The following MAML3 variants were observed in gnomAD, a reference collection of about 807,000 sequenced individuals.
The protein encoded by MAML3 is mastermind like transcriptional coactivator 3, also known as mastermind-like protein 3.
In MAML3, 27 loss-of-function variants were observed where a neutral mutation model predicts 101.9. The ratio of observed to expected loss-of-function variants is 0.27; its 90% CI spans 0.20 to 0.37. MAML3 has a LOEUF of 0.37. Ranked by LOEUF, MAML3 falls within the 10% of genes least tolerant of loss-of-function variation. MAML3 has a pLI of 1.00. For synonymous variants in MAML3, 501 were observed against 555.9 expected, an observed-to-expected ratio of 0.90 and a Z score of 1.39; for missense variants, 1,316 against 1,444.9, an observed-to-expected ratio of 0.91 and a Z score of 1.45.
chr4:139,955,929 T>C (rs1733908161), intron 1 of MAML3, among the ~76,000 whole-genome samples: 1 of 152,202 alleles, frequency 6.6e-6, no homozygotes, highest in East Asian at 1.9e-4. Flanking sequence ...CTCCCCACTC[T>C]TCCCCTACGA....
At chr4:140,054,485 C>T (rs1035293676) in intron 1 of MAML3, among the ~76,000 whole-genome samples, 1 of 152,002 alleles carries the variant, frequency 6.6e-6, no homozygotes, top group Non-Finnish European at 1.5e-5. Flanking sequence ...CCTCCATATT[C>T]TTCCTATTTA....
intron 1 of MAML3, among the ~76,000 whole-genome samples, chr4:140,007,545 G>C (rs1404646291): frequency 6.6e-6 from 1 of 152,186 alleles, no homozygotes; most frequent in Non-Finnish European, 1.5e-5. Context: ...GAAAGAAAGA[G>C]GAAAGAGAAA....
intron 1 of MAML3, among the ~76,000 whole-genome samples, chr4:140,050,368 T>C (rs771167928): frequency 6.6e-6 from 1 of 152,136 alleles, no homozygotes; most frequent in Non-Finnish European, 1.5e-5. Flanking sequence ...GGGTCTTTCA[T>C]TGGAGTCAAC....
chr4:140,153,039 G>T lies in MAML3; in HGVS notation c.289C>A (p.Gln97Lys), dbSNP rs1454428475. 7 of 1,588,848 alleles carry T rather than the reference G, an allele frequency of 4.4e-6. No homozygotes were observed. The East Asian group carries it at 1.1e-4, about 26-fold the overall frequency. The change falls in exon 1 of 5, where the codon CAG becomes AAG. Residue 97 changes from glutamine to lysine, a missense_variant. By Grantham distance (53) the Gln-to-Lys change is moderately conservative. Coordinates refer to ENST00000509479, the MANE Select transcript of MAML3 (RefSeq NM_018717.5). ...HHVNCENRYQ[Q>K]AQVEQLELER... ...AGCTCCAGCTGCTCCACCTGAGCCTGCTGGTACCTGTTCTCGCAGTTGACG... is the reference window on the plus strand; with the variant it reads ...AGCTCCAGCTGCTCCACCTGAGCCTTCTGGTACCTGTTCTCGCAGTTGACG...
At chr4:139,754,661 T>C (rs1372945874) in intron 2 of MAML3, among the ~76,000 whole-genome samples, 1 of 152,222 alleles carries the variant, frequency 6.6e-6, no homozygotes, top group African/African-American at 2.4e-5. Context: ...GCTCCTGTTT[T>C]GGTACATATT....
At chr4:139,991,211 T>C (rs1044744202) in intron 1 of MAML3, among the ~76,000 whole-genome samples, 4 of 152,022 alleles carry the variant, frequency 2.6e-5, no homozygotes, top group Non-Finnish European at 5.9e-5. Context: ...GAGATATAGA[T>C]CAGTGGAACA....
chr4:140,010,272 T>C (rs1396720717), intron 1 of MAML3, among the ~76,000 whole-genome samples: 1 of 152,202 alleles, frequency 6.6e-6, no homozygotes. Flanking sequence ...ATATCTGGCA[T>C]TCAGCAGAAG....
intron 2 of MAML3, chr4:139,740,259 C>T (rs1729115040): frequency 6.6e-6 from 1 of 152,192 alleles, no homozygotes; most frequent in Non-Finnish European, 1.5e-5. Context: ...CTTTGGAGTT[C>T]AAGAACTCGA....
chr4:139,931,784 C>T lies in MAML3; in HGVS notation c.469-40817G>A, dbSNP rs1055669339. ...CACCACTTTGGGAGGCCCAGACGGGCGGGTCACCTGAGGTCAGGAGTTCAA... is the reference window on the plus strand; with the variant it reads ...CACCACTTTGGGAGGCCCAGACGGGTGGGTCACCTGAGGTCAGGAGTTCAA... On this transcript the variant is annotated intron_variant, in intron 1 of 4. Transcript: ENST00000509479. Among the ~76,000 whole-genome samples the T allele has an allele frequency of 2.6e-5, 4 of 151,874 alleles. 1 individual carries two copies. Among genetic ancestry groups the T allele is most frequent in the South Asian group, 4.2e-4 (2 of 4,786 alleles).
chr4:140,099,431 C>G (rs187275893), intron 1 of MAML3, among the ~76,000 whole-genome samples: 8 of 152,102 alleles, frequency 5.3e-5, no homozygotes, highest in Admixed American at 3.9e-4. Flanking sequence ...CAGGGTCTCA[C>G]TCTGCCACCC....
chr4:139,895,040 C>CAGAGA (rs1164947349), intron 1 of MAML3, among the ~76,000 whole-genome samples: 4 of 152,186 alleles, frequency 2.6e-5, no homozygotes, highest in Non-Finnish European at 5.9e-5. Context: ...TGGAGCAGGA[C>CAGAGA]AGAGAAGGAA....
At chr4:140,046,074 C>T (rs1727178414) in intron 1 of MAML3, among the ~76,000 whole-genome samples, 1 of 152,158 alleles carries the variant, frequency 6.6e-6, no homozygotes, top group Admixed American at 6.5e-5. Context: ...GTTATTTATG[C>T]TATGGTCTAA....
intron 1 of MAML3, among the ~76,000 whole-genome samples, chr4:139,974,026 T>C (rs1734275021): frequency 6.6e-6 from 1 of 152,160 alleles, no homozygotes; most frequent in Non-Finnish European, 1.5e-5. Flanking sequence ...TAATTCAAAA[T>C]GTGGTTGATG....
At chr4:139,995,188 C>T (rs1404731971) in intron 1 of MAML3, among the ~76,000 whole-genome samples, 1 of 152,134 alleles carries the variant, frequency 6.6e-6, no homozygotes, top group Non-Finnish European at 1.5e-5. Context: ...TCTATTAATA[C>T]ATTATGTTAC....
At chr4:139,930,546 G>A (rs575373450) in intron 1 of MAML3, among the ~76,000 whole-genome samples, 4 of 152,152 alleles carry the variant, frequency 2.6e-5, no homozygotes, top group Non-Finnish European at 4.4e-5. Context: ...AGGAAGCAGG[G>A]TTGGCAGGAT....
At chr4:139,775,296 C>A (rs1376915237) in intron 2 of MAML3, among the ~76,000 whole-genome samples, 1 of 152,134 alleles carries the variant, frequency 6.6e-6, no homozygotes, top group Non-Finnish European at 1.5e-5. Context: ...GGCAGGCAGT[C>A]AGAAGAGAAA....
chr4:140,147,050 T>C (rs372506278), intron 1 of MAML3, among the ~76,000 whole-genome samples: 4 of 146,292 alleles, frequency 2.7e-5, no homozygotes, highest in Non-Finnish European at 5.9e-5. Context: ...GGGGAATCAC[T>C]TGAACCCAGG....
At chr4:140,131,261 T>C (rs553425344) in intron 1 of MAML3, among the ~76,000 whole-genome samples, 3 of 152,348 alleles carry the variant, frequency 2.0e-5, no homozygotes, top group African/African-American at 7.2e-5. Flanking sequence ...TTCCTTCCAC[T>C]GTAACGTGCC....
intron 2 of MAML3, among the ~76,000 whole-genome samples, chr4:139,813,743 G>A (rs1730844798): frequency 6.6e-6 from 1 of 152,160 alleles, no homozygotes; most frequent in South Asian, 2.1e-4. Context: ...AAGGCTCGGG[G>A]TGCCGGCTCT....
Sources: gnomAD v4.1 joint callset for allele counts (sites outside exome capture counted in the v4.1 genomes callset) on GRCh38, gnomAD v4.1.1 for gene constraint, MANE v1.5 for transcripts, NCBI Gene and HGNC (gene_info 2026-07-23, HGNC 2026-07-21) for gene names.